The following PCDHA10 variants were observed in gnomAD, a reference collection of about 807,000 sequenced individuals.
The protein encoded by PCDHA10 is protocadherin alpha 10.
A neutral mutation model predicts 61.2 loss-of-function variants in PCDHA10; 45 were observed. The observed-to-expected ratio is 0.74, with a 90% CI of 0.58 to 0.94. The LOEUF (loss-of-function observed/expected upper bound fraction) is 0.94. Ranked by LOEUF, PCDHA10 falls within the 40% of genes least tolerant of loss-of-function variation. PCDHA10 has a pLI of 0.00. For missense variants in PCDHA10, 1,278 were observed against 1,236.2 expected (o/e 1.03, Z -0.51); for synonymous variants, 602 against 548.8 (o/e 1.10, Z -1.35).
intron 1 of PCDHA10, among the ~76,000 whole-genome samples, chr5:140,911,635 G>A (rs906127782): frequency 2.0e-5 from 3 of 152,148 alleles, no homozygotes; most frequent in African/African-American, 7.2e-5. Flanking sequence ...ATGGTCAAAG[G>A]TATTACATAT....
chr5:140,882,462 G>C (rs1487611246), intron 1 of PCDHA10: 1 of 1,613,916 alleles, frequency 6.2e-7, no homozygotes, highest in Non-Finnish European at 8.5e-7. Context: ...CGCCTGTTCC[G>C]GGTGGCGTCC....
chr5:140,983,518 C>T (rs1417635641), intron 3 of PCDHA10, among the ~76,000 whole-genome samples: 1 of 152,130 alleles, frequency 6.6e-6, no homozygotes, highest in African/African-American at 2.4e-5. Context: ...AGACACTGTG[C>T]CAAGTACATT....
At chr5:140,954,453 A>G (rs1489783264) in intron 1 of PCDHA10, among the ~76,000 whole-genome samples, 1 of 152,142 alleles carries the variant, frequency 6.6e-6, no homozygotes, top group East Asian at 1.9e-4. Flanking sequence ...ACTTGTTAAT[A>G]ATTGCCATTC....
intron 1 of PCDHA10, chr5:140,882,990 A>T (rs1554176394): frequency 6.2e-7 from 1 of 1,614,130 alleles, no homozygotes; most frequent in Admixed American, 1.7e-5. Context: ...AACGCCCCGG[A>T]ATTTTACCAA....
chr5:141,005,731 A>AAAAAAG (rs2098235322), intron 3 of PCDHA10, among the ~76,000 whole-genome samples: 2 of 149,106 alleles, frequency 1.3e-5, no homozygotes, highest in East Asian at 1.9e-4. Flanking sequence ...AAAAAAAAAA[A>AAAAAAG]GAATGGATGA....
At chr5:140,984,783 G>A (rs2097120793) in intron 3 of PCDHA10, among the ~76,000 whole-genome samples, 1 of 152,152 alleles carries the variant, frequency 6.6e-6, no homozygotes, top group African/African-American at 2.4e-5. Flanking sequence ...CTTGCTGGGT[G>A]AGCATAGACA....
chr5:140,882,330 T>C (rs1554173536), intron 1 of PCDHA10: 26 of 1,614,056 alleles, frequency 1.6e-5, no homozygotes, highest in Non-Finnish European at 2.1e-5. Context: ...CTTCTGATCC[T>C]CGCAGCCTGG....
At chr5:140,888,624 C>T (rs2061910720) in intron 1 of PCDHA10, among the ~76,000 whole-genome samples, 1 of 152,198 alleles carries the variant, frequency 6.6e-6, no homozygotes, top group Non-Finnish European at 1.5e-5. Flanking sequence ...CTAATTCGGC[C>T]TTCTATTACA....
At chr5:141,007,395 C>CAAAA (rs35800918) in intron 3 of PCDHA10, among the ~76,000 whole-genome samples, 7 of 94,852 alleles carry the variant, frequency 7.4e-5, no homozygotes, top group East Asian at 2.9e-4. Context: ...TACTAAAATA[C>CAAAA]AAAAAAAAAA....
intron 1 of PCDHA10, chr5:140,876,978 C>T (rs1206745884): frequency 1.2e-5 from 20 of 1,612,518 alleles, no homozygotes; most frequent in African/African-American, 6.7e-5. Flanking sequence ...TGGGCGAGCA[C>T]GCACTGTCGA....
At chr5:140,863,423 T>A (rs1334887353) in intron 1 of PCDHA10, 2 of 677,498 alleles carry the variant, frequency 3.0e-6, no homozygotes, top group Non-Finnish European at 5.2e-6. Flanking sequence ...TACCGCAGCG[T>A]AGTGGGATCT....
rs782153529 is a variant in PCDHA10, at chr5:140,871,456, G to T, written c.2388+13020G>T. 3.1e-6 allele frequency: 5 copies of T among 1,607,166 alleles called. No homozygotes were observed. The South Asian group carries it at 4.4e-5, about 14-fold the overall frequency. On this transcript the variant is annotated intron_variant, in intron 1 of 3. Coordinates refer to ENST00000307360, the MANE Select transcript of PCDHA10 (RefSeq NM_018901.4). ...TCTAGGTCTGAATAAAGAGGAGGAA[G>T]GGGAAAGACAGGAGCCAGGGTCAAA...
intron 1 of PCDHA10, among the ~76,000 whole-genome samples, chr5:140,887,841 T>C (rs1024646010): frequency 2.6e-5 from 4 of 152,224 alleles, no homozygotes; most frequent in African/African-American, 7.2e-5. Context: ...ATATCTTTTA[T>C]TGACATATTT....
At chr5:140,884,511 G>T (rs1202323930) in intron 1 of PCDHA10, 6 of 1,614,074 alleles carry the variant, frequency 3.7e-6, no homozygotes, top group African/African-American at 1.3e-5. Context: ...GCAGGGAGTT[G>T]GTCGTACTCG....
intron 1 of PCDHA10, among the ~76,000 whole-genome samples, chr5:140,886,842 A>AAG (rs2061180057): frequency 6.6e-6 from 1 of 151,638 alleles, no homozygotes; most frequent in African/African-American, 2.4e-5. Context: ...AAAAAAAAAA[A>AAG]AAAAAGAAAG....
At chr5:140,895,250 T>G (rs2153449407) in intron 1 of PCDHA10, among the ~76,000 whole-genome samples, 1 of 152,318 alleles carries the variant, frequency 6.6e-6, no homozygotes, top group African/African-American at 2.4e-5. Flanking sequence ...TTTTCAAAGC[T>G]TTCTTTTTTT....
intron 1 of PCDHA10, among the ~76,000 whole-genome samples, chr5:140,977,127 C>T (rs1197401904): frequency 6.6e-6 from 1 of 152,168 alleles, no homozygotes; most frequent in East Asian, 1.9e-4. Flanking sequence ...AACTGAGTTT[C>T]CTGGTCAGTC....
At chr5:140,959,407 G>A (rs1449444307) in intron 1 of PCDHA10, among the ~76,000 whole-genome samples, 3 of 152,052 alleles carry the variant, frequency 2.0e-5, no homozygotes, top group African/African-American at 7.2e-5. Flanking sequence ...ATAAAGTGTT[G>A]ATTGATCTGA....
intron 1 of PCDHA10, chr5:140,884,494 C>A: frequency 6.2e-7 from 1 of 1,614,068 alleles, no homozygotes; most frequent in Non-Finnish European, 8.5e-7. Context: ...TAGTGTGCTC[C>A]AGCGCGGCAG....
Sources: gnomAD v4.1 joint callset for allele counts (sites outside exome capture counted in the v4.1 genomes callset) on GRCh38, gnomAD v4.1.1 for gene constraint, MANE v1.5 for transcripts, NCBI Gene and HGNC (gene_info 2026-07-23, HGNC 2026-07-21) for gene names.